Variants in DMD observed in about 807,000 individuals in gnomAD.
DMD encodes dystrophin.
In DMD, 63 loss-of-function variants were observed where a neutral mutation model predicts 330.1. The ratio of observed to expected loss-of-function variants is 0.19; its 90% confidence interval spans 0.16 to 0.24. The LOEUF (loss-of-function observed/expected upper bound fraction) is 0.24, where lower values mean the gene tolerates loss of function less well. Among genes scored for constraint, DMD ranks in the 10% least tolerant of loss-of-function variants. The pLI is 1.00. For synonymous variants in DMD, 1,223 were observed against 959.8 expected, an observed-to-expected ratio of 1.27 and a Z score of -5.07; for missense variants, 3,344 against 2,684.1, an observed-to-expected ratio of 1.25 and a Z score of -5.43.
At chrX:31,677,482 C>T (rs553673563) in intron 53 of DMD, among the ~76,000 whole-genome samples, 1 of 111,726 alleles carries the variant, frequency 9.0e-6, no homozygotes, top group African/African-American at 3.3e-5. Context: ...TCATAGTATC[C>T]GAAACTTATA....
chrX:32,037,907 A>G (rs1191998813), intron 44 of DMD, among the ~76,000 whole-genome samples: 4 of 111,809 alleles, frequency 3.6e-5, no homozygotes. Context: ...TCATTATTCC[A>G]ATTTTTCATG....
chrX:32,940,882 GA>G (rs1313237225), intron 2 of DMD, among the ~76,000 whole-genome samples: 3 of 111,373 alleles, frequency 2.7e-5, no homozygotes, highest in African/African-American at 9.8e-5. Context: ...CGGAACGGGA[GA>G]AAATCATTAC....
chrX:32,380,625 C>T lies in DMD; in HGVS notation c.4730G>A (p.Arg1577Gln), dbSNP rs753830915. 5.8e-6 allele frequency: 7 copies of T among 1,207,475 alleles called. No homozygotes were observed. Among genetic ancestry groups the T allele is most frequent in the Admixed American group, 2.2e-5 (1 of 45,603 alleles). ...EKCLKLSRKM[R>Q]KEMNVLTEWL... is the part of the protein sequence containing the mutation. Reference sequence around the variant, plus strand: ...TTCTGTCAAGACATTCATTTCCTTTCGCATCTTACGGGACAATTTCAAGCA... The same window carrying T: ...TTCTGTCAAGACATTCATTTCCTTTTGCATCTTACGGGACAATTTCAAGCA... The change falls in exon 34 of 79, where the codon CGA (arginine) becomes CAA (glutamine). Residue 1577 changes from arginine to glutamine, a missense_variant. Transcript: ENST00000357033.
At chrX:32,958,020 C>T (rs1484788297) in intron 2 of DMD, among the ~76,000 whole-genome samples, 1 of 111,690 alleles carries the variant, frequency 9.0e-6, no homozygotes, top group Non-Finnish European at 1.9e-5. Flanking sequence ...AAAAATAATT[C>T]AAGAACTGTT....
At position 32,365,056 on chromosome X, in the gene DMD, G is replaced by A. The variant is rs2097849796; in HGVS notation, c.4989C>T (p.Val1663=). ...TTAACCACTCTTCTGCTCGGGAGGTGACAGCTATCCAGTTACTATTCAGAA... is the reference window on the plus strand; with the variant it reads ...TTAACCACTCTTCTGCTCGGGAGGTAACAGCTATCCAGTTACTATTCAGAA... ...LSLLNSNWIA[V]TSRAEEWLNL... The change falls in exon 35 of 79, where the codon GTC becomes GTT. Residue 1663 remains valine (V), a synonymous_variant. Transcript: ENST00000357033. 2.5e-6 allele frequency: 3 copies of A among 1,208,434 alleles called. No homozygotes were observed. The highest frequency in any genetic ancestry group is 1.8e-5 in the South Asian group (1 of 56,734).
chrX:32,803,758 G>GTA (rs765196856), intron 7 of DMD, among the ~76,000 whole-genome samples: 1 of 112,242 alleles, frequency 8.9e-6, no homozygotes, highest in South Asian at 3.7e-4. Context: ...CAGCTTCCAT[G>GTA]TAGTTGTGCA....
At chrX:31,420,903 C>T (rs1197242018) in intron 60 of DMD, among the ~76,000 whole-genome samples, 1 of 112,299 alleles carries the variant, frequency 8.9e-6, no homozygotes, top group Non-Finnish European at 1.9e-5. Flanking sequence ...TGTCTGGCTG[C>T]AGGCATTGAC....
At chrX:31,504,521 T>C (rs1212062174) in intron 56 of DMD, among the ~76,000 whole-genome samples, 1 of 111,928 alleles carries the variant, frequency 8.9e-6, no homozygotes, top group African/African-American at 3.2e-5. Flanking sequence ...CAGTATATCA[T>C]TGAAACTATT....
At chrX:32,436,499 G>A (rs911818054) in intron 29 of DMD, among the ~76,000 whole-genome samples, 4 of 111,309 alleles carry the variant, frequency 3.6e-5, no homozygotes, top group Admixed American at 2.9e-4. Flanking sequence ...TTTTTCTTTG[G>A]GGGAAATGTC....
At chrX:31,695,146 C>G (rs149581360) in intron 52 of DMD, among the ~76,000 whole-genome samples, 1 of 111,205 alleles carries the variant, frequency 9.0e-6, no homozygotes, top group Non-Finnish European at 1.9e-5. Context: ...GAGGTCATTA[C>G]ATTAAATGAA....
chrX:32,928,844 A>C (rs2089326453), intron 2 of DMD, among the ~76,000 whole-genome samples: 1 of 112,295 alleles, frequency 8.9e-6, no homozygotes, highest in Non-Finnish European at 1.9e-5. Flanking sequence ...CAGTACTACA[A>C]ACAAATATAA....
intron 2 of DMD, among the ~76,000 whole-genome samples, chrX:32,898,113 G>C (rs2085897045): frequency 8.9e-6 from 1 of 111,883 alleles, no homozygotes; most frequent in South Asian, 3.7e-4. Context: ...ACCGTGTTCT[G>C]ATGAGATGTT....
chrX:31,227,740 T>A (rs771243138), intron 63 of DMD, among the ~76,000 whole-genome samples: 84 of 111,380 alleles, frequency 7.5e-4, no homozygotes, highest in African/African-American at 2.5e-3. Flanking sequence ...GAGCATGGAA[T>A]GTTCTTCCAT....
chrX:31,277,722 G>A (rs950061315), intron 62 of DMD, among the ~76,000 whole-genome samples: 2 of 111,641 alleles, frequency 1.8e-5, no homozygotes, highest in Admixed American at 1.9e-4. Flanking sequence ...CTGGCCTGAG[G>A]TGGAGATAAA....
chrX:31,195,752 G>C (rs1389516035), intron 67 of DMD, among the ~76,000 whole-genome samples: 1 of 104,833 alleles, frequency 9.5e-6, no homozygotes, highest in African/African-American at 3.5e-5. Context: ...GAGGGAGGGA[G>C]AGAGAGAGAA....
chrX:32,715,220 T>A (rs2147827343), intron 7 of DMD, among the ~76,000 whole-genome samples: 1 of 111,042 alleles, frequency 9.0e-6, no homozygotes, highest in African/African-American at 3.3e-5. Flanking sequence ...GGCTCATGCC[T>A]GTAATCCCAG....
intron 67 of DMD, among the ~76,000 whole-genome samples, chrX:31,186,368 G>T (rs2041778838): frequency 8.9e-6 from 1 of 111,868 alleles, no homozygotes; most frequent in African/African-American, 3.3e-5. Context: ...GATGGAGCTG[G>T]AGGCCATTAT....
At chrX:32,464,904 T>G (rs909229828) in intron 23 of DMD, among the ~76,000 whole-genome samples, 10 of 112,031 alleles carry the variant, frequency 8.9e-5, no homozygotes, top group African/African-American at 2.9e-4. Context: ...AAGTCTGCTA[T>G]TGTTAAAAAT....
At chrX:32,079,560 G>A (rs1206370548) in intron 44 of DMD, among the ~76,000 whole-genome samples, 6 of 108,526 alleles carry the variant, frequency 5.5e-5, no homozygotes, top group African/African-American at 1.3e-4. Context: ...GCACCACTGC[G>A]CTCCAGCCTG....
Sources: gnomAD v4.1 joint callset for allele counts (sites outside exome capture counted in the v4.1 genomes callset) on GRCh38, gnomAD v4.1.1 for gene constraint, MANE v1.5 for transcripts, NCBI Gene and HGNC (gene_info 2026-07-23, HGNC 2026-07-21) for gene names.